ZNF665: variants seen among roughly 807,000 people sequenced by gnomAD.
ZNF665 encodes the protein zinc finger protein 665.
Under a neutral mutation model 7.9 loss-of-function variants are expected in ZNF665, and 6 were observed. The ratio of observed to expected loss-of-function variants is 0.76; its 90% CI spans 0.42 to 1.50. The LOEUF (loss-of-function observed/expected upper bound fraction) is 1.50, where lower values mean the gene tolerates loss of function less well. ZNF665 is among the 40% of genes most tolerant of loss of function. ZNF665 has a pLI of 0.01. For synonymous variants in ZNF665, 242 were observed against 274.5 expected (o/e 0.88, Z 1.17); for missense variants, 819 against 806.7 (o/e 1.02, Z -0.18).
At chr19:53,173,370 CTCT>C (rs1316896013) in intron 3 of ZNF665, among the ~76,000 whole-genome samples, 1 of 112,670 alleles carries the variant, frequency 8.9e-6, no homozygotes, top group Non-Finnish European at 1.7e-5. Flanking sequence ...TTTTTTTTCA[CTCT>C]TTTTTTTTTT....
Position 53,184,634 on chromosome 19 carries a change from C to T in ZNF665, c.-45-1691G>A, listed in dbSNP as rs549221096. ...AAGGAAGGGCATGGGTTGTAGGGTC[C>T]GGCCCCACAGGATTGGTGGGTTTTC... On this transcript the variant is annotated intron_variant, in intron 1 of 3. Coordinates refer to ENST00000396424, the MANE Select transcript of ZNF665 (RefSeq NM_024733.5). Among the ~76,000 whole-genome samples, 7 of 152,216 alleles carry T rather than the reference C, an allele frequency of 4.6e-5. No individual in the cohort carries two copies. The East Asian group carries it at 5.8e-4, about 13-fold the overall frequency.
chr19:53,171,150 AATTTTTTATATTT>A (rs1353548215), intron 3 of ZNF665, among the ~76,000 whole-genome samples: 2 of 151,712 alleles, frequency 1.3e-5, no homozygotes, highest in Non-Finnish European at 2.9e-5. Flanking sequence ...AGGCCCAGCT[AATTTTTTATATTT>A]TTAGTAGAGA....
intron 3 of ZNF665, among the ~76,000 whole-genome samples, chr19:53,173,774 A>T (rs138099997): frequency 6.6e-6 from 1 of 152,260 alleles, no homozygotes; most frequent in Non-Finnish European, 1.5e-5. Flanking sequence ...GTTTGAAGTA[A>T]GGTAGTGTGA....
rs2090611202 is a variant in ZNF665 at position 53,165,983 on chromosome 19, C to T, written c.507G>A (p.Lys169=). Residue 169 remains lysine, a synonymous_variant, in exon 4 of 4, where the codon AAG becomes AAA. Transcript: ENST00000396424. The part of the protein sequence containing the change: ...GKIYEYNQVE[K]SPNNRGKHYK... ...AATGTTTTCCTCGATTATTAGGAGA[C>T]TTCTCAACTTGATTGTATTCATAAA... 6.2e-7 allele frequency: 1 copy of T among 1,613,786 alleles called. No individual in the cohort carries two copies. The highest frequency in any genetic ancestry group is 8.5e-7 in the Non-Finnish European group (1 of 1,179,724).
chr19:53,164,133 CTTTTTTTTTTT>C lies in ZNF665; in HGVS notation c.*309_*319del, dbSNP rs35735454. ...CTGGCCGCACTCCTTTGTAAGGTTA[CTTTTTTTTTTT>C]TTTTTTTTTTGGAGATGGAGTTTCA... is the stretch of plus-strand genomic sequence containing the variant. On this transcript the variant is annotated 3_prime_UTR_variant, in exon 4 of 4. Transcript: ENST00000396424. The C allele has an allele frequency of 9.6e-4, 101 of 104,674 alleles. 1 individual carries two copies. Among genetic ancestry groups the C allele is most frequent in the Non-Finnish European group, 1.7e-3 (88 of 51,376 alleles). The allele number at this position is 104,674 out of a possible 1,614,324, so 6.5% of individuals were successfully genotyped here.
At chr19:53,171,523 TA>T (rs1332365970) in intron 3 of ZNF665, among the ~76,000 whole-genome samples, 170 of 72,722 alleles carry the variant, frequency 2.3e-3, no homozygotes, top group African/African-American at 7.5e-3. Context: ...TATATATATA[TA>T]TTTTTTTTTT....
chr19:53,175,497 CT>C lies in ZNF665; in HGVS notation c.89del (p.Lys30ArgfsTer25). On this transcript the variant is annotated frameshift_variant, in exon 3 of 4. Coordinates refer to ENST00000396424, the MANE Select transcript of ZNF665 (RefSeq NM_024733.5). LOFTEE classifies it high-confidence loss of function. Reference sequence around the variant, plus strand: ...CCAACATGACGTCCCTGTACAAAGTCTTCTGAGCAGGGTCCAGGCATGTCCA... The same window carrying C: ...CCAACATGACGTCCCTGTACAAAGTCTCTGAGCAGGGTCCAGGCATGTCCA... Reference protein sequence around the residue: ...EEWTCLDPAQKTLYRDVMLEN... With the variant: ...EEWTCLDPAQXTLYRDVMLEN... 1.9e-6 allele frequency: 3 copies of C among 1,613,222 alleles called. No individual in the cohort carries two copies. The highest frequency in any genetic ancestry group is 2.5e-6 in the Non-Finnish European group (3 of 1,179,682).
In ZNF665 at chr19:53,164,549, G is replaced by C. The variant is rs2090589207; in HGVS notation, c.1941C>G (p.Val647=). The change falls in exon 4 of 4, where the codon GTC becomes GTG. Residue 647 remains valine, a synonymous_variant. Transcript: ENST00000396424. ...ATTTGTAAGGTTTGTCTCCAGTATG[G>C]ACTGCCATATGGGTAGTTAGGGTTG... ...VRSTLTTHMA[V]HTGDKPYKCN... The C allele has an allele frequency of 4.3e-6, 7 of 1,613,926 alleles. No individual in the cohort carries two copies. Among genetic ancestry groups the C allele is most frequent in the Non-Finnish European group, 5.9e-6 (7 of 1,179,934 alleles).
In ZNF665 at chr19:53,164,767, A is replaced by G; in HGVS notation, c.1723T>C (p.Cys575Arg). ...GAATGTACACTAAATGCTTTGCCGCACTCATTACACTTATAAGGTTTCTCA... is the reference window on the plus strand; with the variant it reads ...GAATGTACACTAAATGCTTTGCCGCGCTCATTACACTTATAAGGTTTCTCA... ...TGEKPYKCNE[C>R]GKAFSVHSNL... is the part of the protein sequence containing the mutation. The change falls in exon 4 of 4, where the codon TGC becomes CGC. Residue 575 changes from cysteine to arginine, a missense_variant. By Grantham distance (180) the Cys-to-Arg change is radical. Coordinates refer to ENST00000396424, the MANE Select transcript of ZNF665 (RefSeq NM_024733.5). The G allele has an allele frequency of 9.9e-6, 16 of 1,614,194 alleles. No individual in the cohort carries two copies. Among genetic ancestry groups the G allele is most frequent in the Non-Finnish European group, 1.3e-5 (15 of 1,180,034 alleles).
At chr19:53,169,840 A>G (rs1432084069) in intron 3 of ZNF665, among the ~76,000 whole-genome samples, 1 of 147,566 alleles carries the variant, frequency 6.8e-6, no homozygotes, top group East Asian at 2.0e-4. Flanking sequence ...AATTTCATCC[A>G]TGTCCCTACA....
At chr19:53,193,242 C>G (rs2090831705) in intron 1 of ZNF665, 70 bp downstream of exon 1, 1 of 152,136 alleles carries the variant, frequency 6.6e-6, no homozygotes, top group Non-Finnish European at 1.5e-5. Flanking sequence ...TATACGAACC[C>G]CCGGACATCG....
chr19:53,177,461 T>G (rs34570459), intron 2 of ZNF665, among the ~76,000 whole-genome samples: 116 of 150,866 alleles, frequency 7.7e-4, no homozygotes, highest in Non-Finnish European at 1.5e-3. Context: ...AGCCGGAAAT[T>G]GCTTGAACCT....
intron 1 of ZNF665, among the ~76,000 whole-genome samples, chr19:53,189,931 T>A (rs915398626): frequency 6.6e-6 from 1 of 152,136 alleles, no homozygotes; most frequent in African/African-American, 2.4e-5. Flanking sequence ...TGTCCGGGCA[T>A]AACAGAAGGC....
At position 53,175,453 on chromosome 19, in the gene ZNF665, A is replaced by G; in HGVS notation, c.134T>C (p.Val45Ala). The part of the protein sequence containing the change: ...DVMLENYRNL[V>A]SLDISCKCVN... ...AAGAAAGTCATCCTCACCCAGGGAG[A>G]CCAGGTTCCTATAATTCTCCAACAT... is the stretch of plus-strand genomic sequence containing the variant. The change falls in exon 3 of 4, where the codon GTC becomes GCC. Residue 45 changes from valine to alanine, a missense_variant. Physicochemically the swap from Val to Ala is moderately conservative, Grantham distance 64. Coordinates refer to ENST00000396424, the MANE Select transcript of ZNF665 (RefSeq NM_024733.5). 6.2e-7 allele frequency: 1 copy of G among 1,610,806 alleles called. No homozygotes were observed. Among genetic ancestry groups the G allele is most frequent in the Non-Finnish European group, 8.5e-7 (1 of 1,178,942 alleles).
rs754678624 is a variant in ZNF665 at position 53,165,621 on chromosome 19, T to TA, written c.868dup (p.Tyr290LeufsTer4). On this transcript the variant is annotated frameshift_variant, in exon 4 of 4. Coordinates refer to ENST00000396424, the MANE Select transcript of ZNF665 (RefSeq NM_024733.5). LOFTEE classifies it low-confidence loss of function (END_TRUNC). ...GCACTTGCCACATTCCTTACATTTG[T>TA]AAGGTTTTTCTCCAGTATGGATGAC... 6.2e-7 allele frequency: 1 copy of TA among 1,614,068 alleles called. No individual in the cohort carries two copies. Among genetic ancestry groups the TA allele is most frequent in the African/African-American group, 1.3e-5 (1 of 74,928 alleles).
chr19:53,177,671 G>A (rs1301784397), intron 2 of ZNF665, among the ~76,000 whole-genome samples: 1 of 152,184 alleles, frequency 6.6e-6, no homozygotes. Context: ...AGAATGAGTG[G>A]TGTCTTCAAC....
chr19:53,164,880 G>A lies in ZNF665; in HGVS notation c.1610C>T (p.Thr537Ile). 4 of 1,614,156 alleles carry A rather than the reference G, an allele frequency of 2.5e-6. No homozygotes were observed. The highest frequency in any genetic ancestry group is 2.2e-5 in the South Asian group (2 of 91,084). Residue 537 changes from threonine (T) to isoleucine (I), a missense_variant, in exon 4 of 4, where the codon ACT becomes ATT. Coordinates refer to ENST00000396424, the MANE Select transcript of ZNF665 (RefSeq NM_024733.5). ...ATTACATTTGTATGGTTTTTGTCCA[G>A]TATGTATTGTCTGATGTATAGTTAG... Reference protein sequence around the residue: ...SSLTIHQTIHTGQKPYKCNDC... With the variant: ...SSLTIHQTIHIGQKPYKCNDC...
chr19:53,189,259 C>T (rs1004379184), intron 1 of ZNF665, among the ~76,000 whole-genome samples: 22 of 151,988 alleles, frequency 1.4e-4, no homozygotes, highest in Middle Eastern at 3.4e-3. Context: ...TGTGCAGCGA[C>T]GAGAGAGTGT....
chr19:53,166,399 A>G, intron 3 of ZNF665, 52 bp from the exon 4 acceptor site: 1 of 1,456,120 alleles, frequency 6.9e-7, no homozygotes, highest in Non-Finnish European at 9.2e-7. Flanking sequence ...TAGGTAAATA[A>G]CTATTTCCCA....
Sources: allele counts gnomAD v4.1 joint callset (sites outside exome capture counted in the v4.1 genomes callset), GRCh38; gene constraint gnomAD v4.1.1; transcripts MANE v1.5; gene names NCBI Gene and HGNC (gene_info 2026-07-23, HGNC 2026-07-21).